The following MYO9B variants were observed in gnomAD, a reference collection of about 807,000 sequenced individuals.
MYO9B encodes the protein unconventional myosin-IXb.
Under a neutral mutation model 229.5 loss-of-function variants are expected in MYO9B, and 71 were observed. The observed-to-expected ratio is 0.31, with a 90% CI of 0.26 to 0.38. MYO9B has a LOEUF of 0.38. Ranked by LOEUF, MYO9B falls within the 10% of genes least tolerant of loss-of-function variation. The pLI is 1.00. For synonymous variants in MYO9B, 1,185 were observed against 1,235.8 expected (o/e 0.96, Z 0.86); for missense variants, 2,255 against 2,920.5 (o/e 0.77, Z 5.25).
chr19:17,174,099 C>T (rs1348679889), intron 13 of MYO9B, among the ~76,000 whole-genome samples: 4 of 140,410 alleles, frequency 2.8e-5, no homozygotes, highest in South Asian at 2.3e-4. Flanking sequence ...GGCGCGATCT[C>T]GGCTACTGCA....
At chr19:17,116,696 G>A (rs2057907375) in intron 2 of MYO9B, among the ~76,000 whole-genome samples, 1 of 152,084 alleles carries the variant, frequency 6.6e-6, no homozygotes. Flanking sequence ...TGGAGGGAGG[G>A]GTGCAGACCG....
intron 2 of MYO9B, among the ~76,000 whole-genome samples, chr19:17,126,399 C>T (rs139663551): frequency 2.5e-4 from 38 of 152,290 alleles, no homozygotes; most frequent in African/African-American, 9.1e-4. Flanking sequence ...CGGGGATCCC[C>T]GGAAAACCCC....
intron 2 of MYO9B, among the ~76,000 whole-genome samples, chr19:17,110,025 C>G (rs1290476891): frequency 1.3e-5 from 2 of 152,146 alleles, no homozygotes; most frequent in Admixed American, 6.5e-5. Flanking sequence ...GCCCCCCGTT[C>G]AGGCTGCCTC....
chr19:17,139,529 G>C (rs2072311829), intron 2 of MYO9B, among the ~76,000 whole-genome samples: 1 of 152,060 alleles, frequency 6.6e-6, no homozygotes, highest in Non-Finnish European at 1.5e-5. Flanking sequence ...CAGATTGCTT[G>C]AGCCCAGGAG....
rs1204736258 is a variant in MYO9B at position 17,172,487 on chromosome 19, T to C, written c.1935+10T>C. On this transcript the variant is annotated intron_variant, in intron 12 of 39. Transcript: ENST00000682292. This position sits in a 1 kb window ranked among gnomAD's most constrained non-coding sequence, Gnocchi z 8.2. ...GAAATATCAGATCAAGGTAGGTGTC[T>C]GCCCATCACCACTGGTGGAAGCCTG... 1 of 1,612,774 alleles carries C rather than the reference T, an allele frequency of 6.2e-7. No homozygotes were observed. Among genetic ancestry groups the C allele is most frequent in the African/African-American group, 1.3e-5 (1 of 74,914 alleles).
intron 2 of MYO9B, among the ~76,000 whole-genome samples, chr19:17,138,381 C>T (rs562469319): frequency 3.3e-5 from 5 of 152,244 alleles, no homozygotes; most frequent in East Asian, 1.9e-4. Context: ...GTATCTCTAT[C>T]GCAGAATGAT....
intron 10 of MYO9B, among the ~76,000 whole-genome samples, chr19:17,167,492 T>G (rs1228525286): frequency 1.7e-5 from 2 of 119,186 alleles, no homozygotes; most frequent in African/African-American, 3.5e-5. Flanking sequence ...TTTTTTTTTT[T>G]GTGACGGAGT....
intron 2 of MYO9B, among the ~76,000 whole-genome samples, chr19:17,109,707 T>C (rs2057829031): frequency 1.3e-5 from 2 of 152,210 alleles, no homozygotes; most frequent in Non-Finnish European, 2.9e-5. Flanking sequence ...TCAGCCATCC[T>C]TGGAGCTCTG....
intron 2 of MYO9B, among the ~76,000 whole-genome samples, chr19:17,114,584 T>A (rs1220947217): frequency 6.6e-6 from 1 of 152,190 alleles, no homozygotes; most frequent in Non-Finnish European, 1.5e-5. Context: ...CCGCAGTCCC[T>A]GATTTTAGGA....
chr19:17,202,200 CT>C lies in MYO9B; in HGVS notation c.4734del (p.Glu1579SerfsTer18). 1 of 1,613,342 alleles carries C rather than the reference CT, an allele frequency of 6.2e-7. No individual in the cohort carries two copies. The highest frequency in any genetic ancestry group is 8.5e-7 in the Non-Finnish European group (1 of 1,179,610). ...NYQIVVSNLA[T>X]ERGQKDTNLV... ...CAGATCGTCGTCAGCAACCTGGCCACTGAGCGTGGCCAGAAGGACACCAACC... is the reference window on the plus strand; with the variant it reads ...CAGATCGTCGTCAGCAACCTGGCCACGAGCGTGGCCAGAAGGACACCAACC... On this transcript the variant is annotated frameshift_variant, in exon 28 of 40. Coordinates refer to ENST00000682292, the MANE Select transcript of MYO9B (RefSeq NM_004145.4). LOFTEE classifies it high-confidence loss of function.
At position 17,210,789 on chromosome 19, in the gene MYO9B, C is replaced by T. The variant is rs1463014639; in HGVS notation, c.5871C>T (p.Gly1957=). The change falls in exon 38 of 40, where the codon GGC becomes GGT. Residue 1957 remains glycine, a synonymous_variant. Transcript: ENST00000682292. ...EVLLEEEAAG[G]DEDREKEILI... The stretch of plus-strand genomic sequence containing the variant: ...TGCTGGAGGAGGAGGCAGCCGGCGG[C>T]GATGAGGACCGGGAAAAGGAGATTC... 1.3e-6 allele frequency: 2 copies of T among 1,589,008 alleles called. No homozygotes were observed. The highest frequency in any genetic ancestry group is 1.7e-6 in the Non-Finnish European group (2 of 1,168,456).
At position 17,159,621 on chromosome 19, in the gene MYO9B, A is replaced by G. The variant is rs140675415; in HGVS notation, c.1419+137A>G. 3 of 823,452 alleles carry G rather than the reference A, an allele frequency of 3.6e-6. No individual in the cohort carries two copies. The Admixed American group carries it at 6.9e-5, about 19-fold the overall frequency. 51.0% of individuals were successfully genotyped at this position (823,452 alleles called of 1,614,324 possible). A position where few individuals can be genotyped will look rare whatever the true frequency, so the allele number is the denominator to read the frequency against. On this transcript the variant is annotated intron_variant, in intron 8 of 39. Transcript: ENST00000682292. ...AACCTAGGCAGTGCCTCTGATTGTC[A>G]TGCAAGCTCAGGTGTGGCACAAGCC...
At chr19:17,211,613 G>A (rs1199326408) in intron 38 of MYO9B, 34 bp from the exon 39 acceptor site, 3 of 1,554,066 alleles carry the variant, frequency 1.9e-6, no homozygotes, top group African/African-American at 1.4e-5. Context: ...TTCCGGTGGG[G>A]TGGCCTTGGA....
At chr19:17,083,624 G>A (rs549760320) in intron 1 of MYO9B, among the ~76,000 whole-genome samples, 22 of 150,566 alleles carry the variant, frequency 1.5e-4, no homozygotes, top group African/African-American at 3.7e-4. Context: ...CTGACTGACC[G>A]AAGTCCTAGG....
rs921367145 is a variant in MYO9B, at chr19:17,101,183, A to AT, written c.-58-468dup. On this transcript the variant is annotated intron_variant, in intron 1 of 39. Coordinates refer to ENST00000682292, the MANE Select transcript of MYO9B (RefSeq NM_004145.4). The surrounding 1 kb of genome is among the most constrained non-coding windows in gnomAD (Gnocchi z 4.7). ...TGATGTCACTTGTAAAAGCCACTGT[A>AT]TTTTTTTTTAAGTGACAGGGTCTCT... 4.7e-5 allele frequency among the ~76,000 whole-genome samples: 7 copies of AT among 149,188 alleles called. No homozygotes were observed. In the South Asian group the frequency reaches 1.1e-3, roughly 23 times the overall value.
intron 14 of MYO9B, among the ~76,000 whole-genome samples, chr19:17,180,328 C>T (rs963384691): frequency 1.3e-5 from 2 of 149,942 alleles, no homozygotes; most frequent in Non-Finnish European, 3.0e-5. Context: ...AGTGGAATGA[C>T]CAGATGGAAA....
At chr19:17,089,303 G>A (rs2057614385) in intron 1 of MYO9B, among the ~76,000 whole-genome samples, 1 of 152,024 alleles carries the variant, frequency 6.6e-6, no homozygotes, top group Non-Finnish European at 1.5e-5. Flanking sequence ...CAGGATCAGG[G>A]AAATGTACAC....
At chr19:17,143,381 T>C (rs1255655264) in intron 2 of MYO9B, among the ~76,000 whole-genome samples, 1 of 152,196 alleles carries the variant, frequency 6.6e-6, no homozygotes, top group African/African-American at 2.4e-5. Context: ...GCCTACTGTC[T>C]TGGGGACAAG....
intron 2 of MYO9B, among the ~76,000 whole-genome samples, chr19:17,112,725 G>C (rs899752660): frequency 6.6e-6 from 1 of 152,216 alleles, no homozygotes; most frequent in Non-Finnish European, 1.5e-5. Context: ...GCCACACAAA[G>C]AATCCCGCAG....
Sources: allele counts gnomAD v4.1 joint callset (sites outside exome capture counted in the v4.1 genomes callset), GRCh38; gene constraint gnomAD v4.1.1; non-coding constraint Gnocchi (gnomAD v3.1); transcripts MANE v1.5; gene names NCBI Gene and HGNC (gene_info 2026-07-23, HGNC 2026-07-21).